The following GLB1 variants were observed in gnomAD, a reference collection of about 807,000 sequenced individuals.
The protein encoded by GLB1 is beta-galactosidase.
GLB1 carries 56 observed loss-of-function variants against 74.0 expected under a neutral mutation model. That is an observed-to-expected ratio of 0.76 (90% confidence interval 0.61 to 0.94). The LOEUF (loss-of-function observed/expected upper bound fraction) is 0.94. Among genes scored for constraint, GLB1 ranks in the 40% least tolerant of loss-of-function variants. The probability of loss-of-function intolerance (pLI) is 0.00; values close to 1 mark genes in which losing one functional copy is unlikely to be tolerated. For missense variants in GLB1, 787 were observed against 845.5 expected (o/e 0.93, Z 0.86); for synonymous variants, 323 against 323.6 (o/e 1.00, Z 0.02).
chr3:33,045,788 G>A, intron 10 of GLB1: 1 of 1,179,300 alleles, frequency 8.5e-7, no homozygotes, highest in Non-Finnish European at 1.1e-6. Flanking sequence ...AGATAATCTG[G>A]CCTGGAAGGA....
Position 33,043,698 on chromosome 3 carries a change from G to A in GLB1, c.1068+2422C>T, listed in dbSNP as rs112001643. On this transcript the variant is annotated intron_variant, in intron 10 of 15. Transcript: ENST00000307363. ...TTCAAACTAGATATTTTAAAAATTC[G>A]ATTATATCCTGTTTATAAGGGACAC... 2.7e-3 allele frequency among the ~76,000 whole-genome samples: 179 copies of A among 66,308 alleles called. 1 individual carries two copies. The highest frequency in any genetic ancestry group is 7.2e-3 in the African/African-American group (172 of 23,822). The allele number at this position is 66,308 out of a possible 152,430, so 43.5% of individuals were successfully genotyped here.
intron 6 of GLB1, among the ~76,000 whole-genome samples, chr3:33,056,482 C>T (rs1370934001): frequency 6.6e-6 from 1 of 151,666 alleles, no homozygotes; most frequent in Non-Finnish European, 1.5e-5. Context: ...GGCACAATCA[C>T]AGCTCACCGC....
In GLB1 at chr3:33,032,625, G is replaced by A. The variant is rs531475559; in HGVS notation, c.1069-8300C>T. On this transcript the variant is annotated intron_variant, in intron 10 of 15. Coordinates refer to ENST00000307363, the MANE Select transcript of GLB1 (RefSeq NM_000404.4). ...TTTCTTGTGGAGACAGTCTCACTAT[G>A]TTGCCCAAGCTGGCCTTGATTTCCT... is the stretch of plus-strand genomic sequence containing the variant. 2.0e-5 allele frequency among the ~76,000 whole-genome samples: 3 copies of A among 152,128 alleles called. No homozygotes were observed. The South Asian group carries it at 6.2e-4, about 32-fold the overall frequency.
chr3:33,087,441 G>A (rs111848685), intron 1 of GLB1, among the ~76,000 whole-genome samples: 1,569 of 152,128 alleles, frequency 0.01, 24 homozygotes, highest in African/African-American at 0.034. Context: ...GTGGTGGCGC[G>A]TGCCTGTGGT....
chr3:33,079,594 A>C (rs1014124794), intron 1 of GLB1, among the ~76,000 whole-genome samples: 5 of 152,228 alleles, frequency 3.3e-5, no homozygotes, highest in African/African-American at 1.2e-4. Flanking sequence ...GCAGACTGAT[A>C]AAATGAATTA....
In GLB1 at chr3:33,014,228, C is replaced by T. The variant is rs186781398; in HGVS notation, c.1562G>A (p.Cys521Tyr). ...IFPLDTEDAV[C>Y]SHLGGWGHRD... ...GTGTCCCCAGCCCCCCAGGTGGCTG[C>T]ACACTGCATCCTCAGTGTCCAGTGG... Residue 521 changes from cysteine to tyrosine, a missense_variant, in exon 15 of 16, where the codon TGC (cysteine) becomes TAC (tyrosine). Coordinates refer to ENST00000307363, the MANE Select transcript of GLB1 (RefSeq NM_000404.4). 48 of 1,614,120 alleles carry T rather than the reference C, an allele frequency of 3.0e-5. No individual in the cohort carries two copies. Among genetic ancestry groups the T allele is most frequent in the African/African-American group, 2.7e-4 (20 of 75,028 alleles).
intron 1 of GLB1, among the ~76,000 whole-genome samples, chr3:33,096,045 A>C (rs961230725): frequency 6.6e-6 from 1 of 152,196 alleles, no homozygotes; most frequent in Admixed American, 6.5e-5. Flanking sequence ...TGCCCTAGGC[A>C]CGTTATTGAA....
chr3:32,985,115 A>T, the GLB1 span, among the ~76,000 whole-genome samples: 1 of 151,372 alleles, frequency 6.6e-6, no homozygotes, highest in Non-Finnish European at 1.5e-5. Context: ...AAAAAAAAAA[A>T]AAAAAAAAAA....
intron 3 of GLB1, 135 bp downstream of exon 3, chr3:33,068,685 A>C: frequency 6.5e-7 from 1 of 1,531,932 alleles, no homozygotes; most frequent in Non-Finnish European, 8.8e-7. Flanking sequence ...TTGTCAAGGT[A>C]AAAGACACCT....
intron 15 of GLB1, among the ~76,000 whole-genome samples, chr3:33,000,006 T>A (rs1225561698): frequency 1.3e-5 from 2 of 151,774 alleles, no homozygotes; most frequent in African/African-American, 4.8e-5. Context: ...ACACCCAGGC[T>A]AGAATGCAGT....
chr3:33,044,791 T>C (rs1698674699), intron 10 of GLB1, among the ~76,000 whole-genome samples: 1 of 152,136 alleles, frequency 6.6e-6, no homozygotes, highest in Non-Finnish European at 1.5e-5. Context: ...AAAACCTTTG[T>C]TTTTTTAACT....
At chr3:33,045,647 A>G in intron 10 of GLB1, 1 of 994,724 alleles carries the variant, frequency 1.0e-6, no homozygotes, top group Non-Finnish European at 1.2e-6. Context: ...CTCTTTTGAT[A>G]TTGAAGTACA....
At chr3:33,069,165 G>A (rs1002569175) in intron 2 of GLB1, among the ~76,000 whole-genome samples, 195 bp from the exon 3 acceptor site, 2 of 152,094 alleles carry the variant, frequency 1.3e-5, no homozygotes, top group Non-Finnish European at 1.5e-5. Flanking sequence ...CACGGTGGGT[G>A]GATGGCTTGA....
At chr3:33,094,341 A>G in intron 1 of GLB1, 1 of 1,454,128 alleles carries the variant, frequency 6.9e-7, no homozygotes, top group Middle Eastern at 2.4e-4. Context: ...GTGGGATATT[A>G]GAGTGTCCTT....
In GLB1 at chr3:33,046,179, G is replaced by C. The variant is rs376034559; in HGVS notation, c.1009C>G (p.Leu337Val). 1.2e-6 allele frequency: 2 copies of C among 1,613,928 alleles called. No homozygotes were observed. The highest frequency in any genetic ancestry group is 1.7e-6 in the Non-Finnish European group (2 of 1,180,002). Residue 337 changes from leucine (L) to valine (V), a missense_variant, in exon 10 of 16, where the codon CTG (leucine) becomes GTG (valine). By Grantham distance (32) the Leu-to-Val change is conservative. Transcript: ENST00000307363. ...QPTSYDYDAP[L>V]SEAGDLTEKY... Reference sequence around the variant, plus strand: ...TCAGTGAGGTCCCCAGCCTCACTCAGTGGGGCATCATAGTCGTAGCTGGTG... The same window carrying C: ...TCAGTGAGGTCCCCAGCCTCACTCACTGGGGCATCATAGTCGTAGCTGGTG...
intron 2 of GLB1, among the ~76,000 whole-genome samples, chr3:33,070,333 C>A (rs552156073): frequency 6.6e-6 from 1 of 151,752 alleles, no homozygotes; most frequent in Non-Finnish European, 1.5e-5. Flanking sequence ...AATCCAGTAT[C>A]CTACATAAAT....
intron 1 of GLB1, among the ~76,000 whole-genome samples, chr3:33,085,618 A>C (rs2125573712): frequency 6.6e-6 from 1 of 152,254 alleles, no homozygotes; most frequent in East Asian, 1.9e-4. Context: ...TCCCACTAAA[A>C]GTAACCAAAG....
chr3:33,010,116 G>A (rs770381207), intron 15 of GLB1, among the ~76,000 whole-genome samples: 8 of 152,124 alleles, frequency 5.3e-5, no homozygotes, highest in African/African-American at 7.2e-5. Context: ...ACCTAGGAGC[G>A]GAATTGCTGG....
the GLB1 span, among the ~76,000 whole-genome samples, chr3:32,965,579 A>G: frequency 1.3e-5 from 2 of 152,028 alleles, no homozygotes; most frequent in African/African-American, 4.8e-5. Flanking sequence ...ATAGAAAAGA[A>G]AAAAAAAACA....
Sources: allele counts gnomAD v4.1 joint callset (sites outside exome capture counted in the v4.1 genomes callset), GRCh38; gene constraint gnomAD v4.1.1; transcripts MANE v1.5; gene names NCBI Gene and HGNC (gene_info 2026-07-23, HGNC 2026-07-21).